The following PCDH9 variants were observed in gnomAD, a reference collection of about 807,000 sequenced individuals.
PCDH9 encodes protocadherin 9, also known as protocadherin-9.
A neutral mutation model predicts 70.6 loss-of-function variants in PCDH9; 24 were observed. The ratio of observed to expected loss-of-function variants is 0.34; its 90% CI spans 0.25 to 0.48. The LOEUF is 0.48. Ranked by LOEUF, PCDH9 falls within the 20% of genes least tolerant of loss-of-function variation. The pLI is 0.99. For synonymous variants in PCDH9, 562 were observed against 558.5 expected (o/e 1.01, Z -0.09); for missense variants, 1,281 against 1,503.6 (o/e 0.85, Z 2.45).
intron 3 of PCDH9, among the ~76,000 whole-genome samples, chr13:66,636,201 T>G (rs889294863): frequency 1.3e-5 from 2 of 152,152 alleles, no homozygotes; most frequent in African/African-American, 4.8e-5. Flanking sequence ...ACACTAAAAT[T>G]TCAACACATT....
intron 3 of PCDH9, among the ~76,000 whole-genome samples, chr13:66,648,204 C>A (rs893203711): frequency 6.6e-6 from 1 of 152,168 alleles, no homozygotes; most frequent in Non-Finnish European, 1.5e-5. Flanking sequence ...GAGACTTGGG[C>A]AAACATAGGT....
At chr13:66,643,202 T>C (rs953726468) in intron 3 of PCDH9, among the ~76,000 whole-genome samples, 2 of 152,050 alleles carry the variant, frequency 1.3e-5, no homozygotes, top group Non-Finnish European at 2.9e-5. Context: ...GAGGAAAATA[T>C]GTTTTAAGCC....
chr13:66,448,359 G>GT (rs1958139349), intron 4 of PCDH9, among the ~76,000 whole-genome samples: 1 of 152,200 alleles, frequency 6.6e-6, no homozygotes, highest in African/African-American at 2.4e-5. Flanking sequence ...AGTAAACTGA[G>GT]TGAATGCCAT....
intron 3 of PCDH9, among the ~76,000 whole-genome samples, chr13:66,868,011 A>T (rs1270927554): frequency 6.6e-6 from 1 of 152,002 alleles, no homozygotes; most frequent in East Asian, 1.9e-4. Context: ...GCTGAAATGT[A>T]TATTATTTAA....
intron 2 of PCDH9, among the ~76,000 whole-genome samples, chr13:67,010,182 C>T (rs1431620457): frequency 6.6e-6 from 1 of 151,990 alleles, no homozygotes; most frequent in Non-Finnish European, 1.5e-5. Context: ...AAATTAACTA[C>T]TATTATTGTT....
In PCDH9 at chr13:66,962,064, C is replaced by T. The variant is rs77076974; in HGVS notation, c.3037-58459G>A. On this transcript the variant is annotated intron_variant, in intron 2 of 4. Transcript: ENST00000377865. ...GACCCCATCAAGAAAAACAAAAAAA[C>T]AAAACAAAAAAAAAAGAAAAGAAAA... Among the ~76,000 whole-genome samples the T allele has an allele frequency of 6.4e-3, 905 of 140,738 alleles. 11 individuals carry two copies. The highest frequency in any genetic ancestry group is 0.022 in the African/African-American group (843 of 38,088). The allele number at this position is 140,738 out of a possible 152,430, so 92.3% of individuals were successfully genotyped here.
At chr13:66,531,326 A>C (rs1960444381) in intron 4 of PCDH9, among the ~76,000 whole-genome samples, 1 of 152,106 alleles carries the variant, frequency 6.6e-6, no homozygotes, top group Non-Finnish European at 1.5e-5. Context: ...ACAAGAAAAC[A>C]ACAGTCTTTA....
At chr13:67,087,705 CT>C (rs1428177289) in intron 2 of PCDH9, among the ~76,000 whole-genome samples, 1 of 151,958 alleles carries the variant, frequency 6.6e-6, no homozygotes, top group Admixed American at 6.6e-5. Flanking sequence ...TTTTTTTCTT[CT>C]GATTTCTTTT....
At chr13:66,925,535 A>C (rs972737822) in intron 2 of PCDH9, among the ~76,000 whole-genome samples, 1 of 151,804 alleles carries the variant, frequency 6.6e-6, no homozygotes, top group South Asian at 2.1e-4. Flanking sequence ...TTTCCTGTTC[A>C]TTTCTTAGTT....
rs576772826 is a variant in PCDH9, at chr13:66,855,749, G to T, written c.3138+47755C>A. On this transcript the variant is annotated intron_variant, in intron 3 of 4. Coordinates refer to ENST00000377865, the MANE Select transcript of PCDH9 (RefSeq NM_203487.3). ...ATAAAGCTGGGAAGTCAAACCCTTG[G>T]ATAATGTACTGGTTTACTGTCTTTT... Among the ~76,000 whole-genome samples, 5 of 152,050 alleles carry T rather than the reference G, an allele frequency of 3.3e-5. No individual in the cohort carries two copies. In the South Asian group the frequency reaches 1.0e-3, roughly 31 times the overall value.
At chr13:66,809,132 T>A (rs2080458078) in intron 3 of PCDH9, among the ~76,000 whole-genome samples, 1 of 152,118 alleles carries the variant, frequency 6.6e-6, no homozygotes, top group South Asian at 2.1e-4. Flanking sequence ...TATTGTTTAG[T>A]AGAGACGGGG....
At chr13:66,421,687 G>A (rs369051810) in intron 4 of PCDH9, among the ~76,000 whole-genome samples, 17 of 152,150 alleles carry the variant, frequency 1.1e-4, no homozygotes, top group African/African-American at 3.4e-4. Flanking sequence ...AGGAAAAACC[G>A]GTACCAGCCA....
At chr13:66,519,809 G>A (rs1959907618) in intron 4 of PCDH9, among the ~76,000 whole-genome samples, 1 of 152,088 alleles carries the variant, frequency 6.6e-6, no homozygotes, top group Non-Finnish European at 1.5e-5. Flanking sequence ...CTCGGCCATT[G>A]GAAAATATTG....
intron 4 of PCDH9, among the ~76,000 whole-genome samples, chr13:66,616,852 T>G (rs2138886984): frequency 6.6e-6 from 1 of 152,242 alleles, no homozygotes; most frequent in African/African-American, 2.4e-5. Flanking sequence ...GCATTCAGCT[T>G]ATGATAAGGA....
chr13:67,017,829 T>C (rs963204969), intron 2 of PCDH9, among the ~76,000 whole-genome samples: 2 of 152,100 alleles, frequency 1.3e-5, no homozygotes, highest in African/African-American at 4.8e-5. Flanking sequence ...ATTTTAAACA[T>C]TTTTACTGTA....
chr13:66,994,148 A>G (rs559389195), intron 2 of PCDH9, among the ~76,000 whole-genome samples: 62 of 152,320 alleles, frequency 4.1e-4, no homozygotes, highest in Non-Finnish European at 8.7e-4. Flanking sequence ...ACAGAGCCCT[A>G]TGGAATTGGG....
intron 3 of PCDH9, among the ~76,000 whole-genome samples, chr13:66,762,858 C>G (rs2079650750): frequency 6.6e-6 from 1 of 151,840 alleles, no homozygotes; most frequent in South Asian, 2.1e-4. Context: ...AGATACAAGT[C>G]TCAGAGAAAA....
At chr13:66,883,032 C>T (rs922468371) in intron 3 of PCDH9, among the ~76,000 whole-genome samples, 3 of 151,904 alleles carry the variant, frequency 2.0e-5, no homozygotes, top group African/African-American at 7.3e-5. Context: ...AATACTTTTT[C>T]TCATTTTTCT....
chr13:66,586,480 T>C (rs2076964857), intron 4 of PCDH9, among the ~76,000 whole-genome samples: 2 of 152,054 alleles, frequency 1.3e-5, no homozygotes, highest in African/African-American at 4.8e-5. Context: ...AGATCTGGGC[T>C]CAGCTGTTAT....
Sources: allele counts gnomAD v4.1 joint callset (sites outside exome capture counted in the v4.1 genomes callset), GRCh38; gene constraint gnomAD v4.1.1; transcripts MANE v1.5; gene names NCBI Gene and HGNC (gene_info 2026-07-23, HGNC 2026-07-21).